ACACB: variants seen among roughly 807,000 people sequenced by gnomAD.
ACACB encodes acetyl-CoA carboxylase 2.
Under a neutral mutation model 278.8 loss-of-function variants are expected in ACACB, and 209 were observed. The ratio of observed to expected loss-of-function variants is 0.75; its 90% CI spans 0.67 to 0.84. The LOEUF (loss-of-function observed/expected upper bound fraction) is 0.84. ACACB is among the 40% of genes least tolerant of loss of function. The probability of loss-of-function intolerance (pLI) is 0.00; values close to 1 mark genes in which losing one functional copy is unlikely to be tolerated. For synonymous variants in ACACB, 1,174 were observed against 1,285.6 expected, an observed-to-expected ratio of 0.91 and a Z score of 1.86; for missense variants, 2,850 against 3,269.0, an observed-to-expected ratio of 0.87 and a Z score of 3.13.
chr12:109,159,948 G>C (rs543029314), intron 2 of ACACB, among the ~76,000 whole-genome samples: 1 of 152,044 alleles, frequency 6.6e-6, no homozygotes, highest in East Asian at 1.9e-4. Flanking sequence ...AAATTAGCCA[G>C]GCATGGTGGC....
At chr12:109,252,594 G>A (rs2047126038) in intron 42 of ACACB, 1 of 171,150 alleles carries the variant, frequency 5.8e-6, no homozygotes, top group African/African-American at 2.4e-5. Flanking sequence ...TATACTTAAT[G>A]TCTGCTCAAA....
chr12:109,142,274 A>C (rs1008338583), intron 2 of ACACB, among the ~76,000 whole-genome samples: 1 of 152,136 alleles, frequency 6.6e-6, no homozygotes, highest in African/African-American at 2.4e-5. Context: ...AAAAGAATGT[A>C]TCAAACCAAC....
At chr12:109,163,558 T>C (rs1005548435) in intron 2 of ACACB, among the ~76,000 whole-genome samples, 4 of 151,902 alleles carry the variant, frequency 2.6e-5, no homozygotes, top group Non-Finnish European at 4.4e-5. Flanking sequence ...AGTAGGCCAG[T>C]GTAGGAATTT....
chr12:109,251,277 T>G (rs571972423), intron 41 of ACACB, among the ~76,000 whole-genome samples: 6 of 152,250 alleles, frequency 3.9e-5, no homozygotes, highest in African/African-American at 1.4e-4. Flanking sequence ...AGAGACACTT[T>G]AGCAACTGCC....
intron 11 of ACACB, among the ~76,000 whole-genome samples, chr12:109,181,042 T>C (rs2044448679): frequency 1.3e-5 from 2 of 152,108 alleles, no homozygotes; most frequent in South Asian, 4.1e-4. Flanking sequence ...TCCATTGTTT[T>C]AATTTTTAGC....
intron 13 of ACACB, among the ~76,000 whole-genome samples, chr12:109,188,866 G>A (rs2136269268): frequency 6.6e-6 from 1 of 152,200 alleles, no homozygotes; most frequent in East Asian, 1.9e-4. Context: ...AAAGGGGGAG[G>A]GAAACTCCTT....
At chr12:109,187,052 T>G (rs1365159714) in intron 12 of ACACB, among the ~76,000 whole-genome samples, 21 of 109,638 alleles carry the variant, frequency 1.9e-4, no homozygotes, top group Admixed American at 2.0e-4. Context: ...GCCGATGGGG[T>G]GAGGAAAAGG....
chr12:109,232,066 G>A (rs2046489251), intron 28 of ACACB, among the ~76,000 whole-genome samples: 1 of 152,206 alleles, frequency 6.6e-6, no homozygotes, highest in South Asian at 2.1e-4. Flanking sequence ...AGAGCAGTGT[G>A]GGGCCTGCTG....
intron 2 of ACACB, among the ~76,000 whole-genome samples, chr12:109,151,647 C>T (rs2043378558): frequency 6.6e-6 from 1 of 152,168 alleles, no homozygotes; most frequent in African/African-American, 2.4e-5. Flanking sequence ...ACGCTGCTGG[C>T]CACATGCATG....
chr12:109,147,470 C>A (rs1340627647), intron 2 of ACACB, among the ~76,000 whole-genome samples: 1 of 149,556 alleles, frequency 6.7e-6, no homozygotes, highest in African/African-American at 2.5e-5. Flanking sequence ...GTCTTGAACT[C>A]CTGAGTTCAA....
At chr12:109,157,428 C>T (rs1341033589) in intron 2 of ACACB, among the ~76,000 whole-genome samples, 2 of 151,970 alleles carry the variant, frequency 1.3e-5, no homozygotes, top group African/African-American at 4.8e-5. Context: ...TGCGCCACCA[C>T]ACCCAGCTAA....
rs1391450630 is a variant in ACACB, at chr12:109,267,367, C to T, written c.*1005C>T. ...GGTTTCAGGGCTTCTGGAGGATGCT[C>T]TCGCATAGCTCGAGGTCCTCTGCCC... On this transcript the variant is annotated 3_prime_UTR_variant, in exon 53 of 53. Coordinates refer to ENST00000338432, the MANE Select transcript of ACACB (RefSeq NM_001093.4). 2 of 152,372 alleles carry T rather than the reference C, an allele frequency of 1.3e-5. No individual in the cohort carries two copies. Among genetic ancestry groups the T allele is most frequent in the South Asian group, 4.1e-4 (2 of 4,824 alleles). 9.4% of individuals were successfully genotyped at this position (152,372 alleles called of 1,614,324 possible).
chr12:109,263,845 C>A, intron 49 of ACACB: 2 of 160,466 alleles, frequency 1.2e-5, no homozygotes. Flanking sequence ...TCATATTTTA[C>A]AATGTGTACT....
At chr12:109,233,705 G>A (rs764526656) in intron 29 of ACACB, 43 bp from the exon 30 acceptor site, 25 of 1,553,856 alleles carry the variant, frequency 1.6e-5, no homozygotes, top group Non-Finnish European at 4.4e-6. Flanking sequence ...CATCCCCATG[G>A]GTCAGCAGCC....
At chr12:109,133,863 A>ATTTTTTTT (rs67896522) in intron 1 of ACACB, among the ~76,000 whole-genome samples, 4 of 70,652 alleles carry the variant, frequency 5.7e-5, no homozygotes, top group African/African-American at 1.8e-4. Context: ...ATATATATAT[A>ATTTTTTTT]TTTTTTTTTT....
chr12:109,239,063 C>G (rs1334538186), intron 34 of ACACB, among the ~76,000 whole-genome samples: 1 of 151,892 alleles, frequency 6.6e-6, no homozygotes, highest in East Asian at 1.9e-4. Flanking sequence ...ATTATAGGCG[C>G]CCACCACCAT....
At chr12:109,220,172 T>C (rs541889611) in intron 24 of ACACB, among the ~76,000 whole-genome samples, 11 of 152,274 alleles carry the variant, frequency 7.2e-5, no homozygotes, top group South Asian at 6.2e-4. Flanking sequence ...TTCTTGGGAA[T>C]TGGGACATTT....
chr12:109,245,559 G>T (rs1226478774), intron 37 of ACACB, 67 bp from the exon 38 acceptor site: 1 of 1,542,634 alleles, frequency 6.5e-7, no homozygotes, highest in African/African-American at 1.4e-5. Context: ...GATCATCTCT[G>T]TCTGGGAAAG....
At chr12:109,147,391 C>CTTTTTTT (rs34959945) in intron 2 of ACACB, among the ~76,000 whole-genome samples, 2 of 116,210 alleles carry the variant, frequency 1.7e-5, no homozygotes, top group South Asian at 3.1e-4. Context: ...TGTCTGGCTA[C>CTTTTTTT]TTTTTTTTTT....
Sources: allele counts gnomAD v4.1 joint callset (sites outside exome capture counted in the v4.1 genomes callset), GRCh38; gene constraint gnomAD v4.1.1; transcripts MANE v1.5; gene names NCBI Gene and HGNC (gene_info 2026-07-23, HGNC 2026-07-21).